NLRP13: variants seen among roughly 807,000 people sequenced by gnomAD.
NLRP13 encodes the protein NACHT, LRR and PYD domains-containing protein 13.
NLRP13 carries 82 observed loss-of-function variants against 94.4 expected under a neutral mutation model. The ratio of observed to expected loss-of-function variants is 0.87; its 90% CI spans 0.73 to 1.04. The LOEUF is 1.04. Among genes scored for constraint, NLRP13 ranks in the 50% least tolerant of loss-of-function variants. NLRP13 has a pLI of 0.00. For synonymous variants in NLRP13, 553 were observed against 464.7 expected (o/e 1.19, Z -2.45); for missense variants, 1,426 against 1,230.8 (o/e 1.16, Z -2.37).
chr19:55,894,636 CAG>C (rs1985950526), downstream of NLRP13, among the ~76,000 whole-genome samples: 1 of 152,174 alleles, frequency 6.6e-6, no homozygotes, highest in South Asian at 2.1e-4. Context: ...TATCTCAACC[CAG>C]AGTTTCTTTC....
intron 4 of NLRP13, among the ~76,000 whole-genome samples, chr19:55,916,057 C>T (rs1047518586): frequency 3.3e-5 from 5 of 152,208 alleles, no homozygotes; most frequent in Non-Finnish European, 7.3e-5. Flanking sequence ...CAAGAGCCTA[C>T]TCACACACCT....
intron 9 of NLRP13, among the ~76,000 whole-genome samples, chr19:55,899,485 A>G (rs902714079): frequency 2.0e-4 from 30 of 150,998 alleles, no homozygotes; most frequent in Middle Eastern, 3.4e-3. Flanking sequence ...CACCCCCCCC[A>G]TCCCAAAAAG....
intron 8 of NLRP13, among the ~76,000 whole-genome samples, chr19:55,902,631 G>A (rs554505425): frequency 6.6e-6 from 1 of 152,076 alleles, no homozygotes; most frequent in East Asian, 1.9e-4. Flanking sequence ...AGCTGCCAGT[G>A]AGCCCACGAG....
intron 4 of NLRP13, among the ~76,000 whole-genome samples, chr19:55,917,662 A>G (rs1022883522): frequency 2.0e-5 from 3 of 152,092 alleles, no homozygotes; most frequent in African/African-American, 7.2e-5. Flanking sequence ...AACCAGCAAC[A>G]GTTTAAAAAA....
chr19:55,910,498 C>A, intron 6 of NLRP13, 65 bp downstream of exon 6: 1 of 1,432,366 alleles, frequency 7.0e-7, no homozygotes, highest in Non-Finnish European at 9.4e-7. Flanking sequence ...CCACACTCAT[C>A]AAAAGAGAGA....
At position 55,898,850 on chromosome 19, in the gene NLRP13, CA is replaced by C. The variant is rs745981483; in HGVS notation, c.2876del (p.Leu959TrpfsTer11). On this transcript the variant is annotated frameshift_variant, in exon 10 of 11. Transcript: ENST00000342929. LOFTEE classifies it high-confidence loss of function. ...CATCATCCTGAAGATCATTTTCTCCCAAATCCAAGATTTTCACATTATGATT... is the reference window on the plus strand; with the variant it reads ...CATCATCCTGAAGATCATTTTCTCCCAATCCAAGATTTTCACATTATGATT... Reference protein sequence around the residue: ...SHNHNVKILDLGENDLQDDGV... With the variant: ...SHNHNVKILDXGENDLQDDGV... The C allele has an allele frequency of 1.2e-6, 2 of 1,614,020 alleles. No homozygotes were observed. Among genetic ancestry groups the C allele is most frequent in the South Asian group, 2.2e-5 (2 of 91,056 alleles).
intron 2 of NLRP13, 108 bp downstream of exon 2, chr19:55,924,859 T>C (rs576604485): frequency 9.9e-7 from 1 of 1,009,706 alleles, no homozygotes; most frequent in Non-Finnish European, 1.5e-6. Context: ...TTTAATTTTT[T>C]ATGCACTATA....
intron 8 of NLRP13, among the ~76,000 whole-genome samples, chr19:55,903,746 G>A (rs889420266): frequency 5.3e-5 from 8 of 151,716 alleles, no homozygotes; most frequent in South Asian, 2.1e-4. Context: ...AAACCACCTC[G>A]AATCCATTGG....
At chr19:55,892,203 C>G (rs912573054), downstream of NLRP13, 1 of 1,059,686 alleles carries the variant, frequency 9.4e-7, no homozygotes, top group African/African-American at 1.7e-5. Context: ...CAGGGGAACA[C>G]GTACAGGTTT....
chr19:55,929,850 A>T (rs1281371681), intron 1 of NLRP13, among the ~76,000 whole-genome samples: 1 of 152,232 alleles, frequency 6.6e-6, no homozygotes, highest in Non-Finnish European at 1.5e-5. Context: ...TGCAATAGAG[A>T]AATCAATAAA....
In NLRP13 at chr19:55,907,839, CA is replaced by C. The variant is rs1986397096; in HGVS notation, c.2399del (p.Leu800ArgfsTer6). On this transcript the variant is annotated frameshift_variant, in exon 7 of 11. Coordinates refer to ENST00000342929, the MANE Select transcript of NLRP13 (RefSeq NM_176810.2). LOFTEE classifies it high-confidence loss of function. Reference protein sequence around the residue: ...SSNKLGMTVPLILKALRHSAC... With the variant: ...SSNKLGMTVPXILKALRHSAC... ...CTGAGTGTCTCAAAGCTTTAAGAAT[CA>C]GGGGGACAGTCATTCCCAGCTTGTT... 1.9e-6 allele frequency: 3 copies of C among 1,613,946 alleles called. No individual in the cohort carries two copies. The highest frequency in any genetic ancestry group is 2.5e-6 in the Non-Finnish European group (3 of 1,179,958).
chr19:55,910,305 A>G (rs1986467032), intron 6 of NLRP13, among the ~76,000 whole-genome samples: 1 of 152,230 alleles, frequency 6.6e-6, no homozygotes, highest in African/African-American at 2.4e-5. Flanking sequence ...ATCCAGCTCA[A>G]AACAGGACTG....
Position 55,898,759 on chromosome 19 carries a change from C to T in NLRP13, c.2957+11G>A, listed in dbSNP as rs1486141737. 1 of 1,593,982 alleles carries T rather than the reference C, an allele frequency of 6.3e-7. No homozygotes were observed. Among genetic ancestry groups the T allele is most frequent in the African/African-American group, 1.3e-5 (1 of 74,478 alleles). ...AAGGAAGACTCTGCAAGGAGAACAG[C>T]ATCAACTCACCCAAGTGTGTGCAAT... is the stretch of plus-strand genomic sequence containing the variant. On this transcript the variant is annotated intron_variant, in intron 10 of 10. Transcript: ENST00000342929.
At position 55,911,617 on chromosome 19, in the gene NLRP13, C is replaced by A. The variant is rs199476252; in HGVS notation, c.2111+89G>T. ...GGAAATAAGCACGAATACATAACGA[C>A]AACACATCCCTGGTTTTGCATGAAA... On this transcript the variant is annotated intron_variant, in intron 5 of 10. Transcript: ENST00000342929. 30 of 1,256,984 alleles carry A rather than the reference C, an allele frequency of 2.4e-5. No homozygotes were observed. The highest frequency in any genetic ancestry group is 3.2e-5 in the Non-Finnish European group (29 of 901,114). 77.9% of individuals were successfully genotyped at this position (1,256,984 alleles called of 1,614,324 possible). A position where few individuals can be genotyped will look rare whatever the true frequency, so the allele number is the denominator to read the frequency against.
chr19:55,892,125 C>A, downstream of NLRP13: 1 of 1,231,750 alleles, frequency 8.1e-7, no homozygotes, highest in Non-Finnish European at 1.0e-6. Flanking sequence ...TTGAAGCCTG[C>A]AAAATAAGAA....
chr19:55,901,407 GAAGGGAGAGT>G (rs780757691), intron 9 of NLRP13, among the ~76,000 whole-genome samples: 7 of 152,190 alleles, frequency 4.6e-5, no homozygotes, highest in African/African-American at 7.2e-5. Context: ...TTAAGGGAGA[GAAGGGAGAGT>G]AAGGGAGAGA....
intron 1 of NLRP13, among the ~76,000 whole-genome samples, chr19:55,928,571 T>C (rs904109118): frequency 2.0e-5 from 3 of 152,144 alleles, no homozygotes; most frequent in Admixed American, 6.5e-5. Flanking sequence ...CCAAAAACTT[T>C]TAAGTTTATA....
At chr19:55,918,954 A>C (rs183225480) in intron 4 of NLRP13, among the ~76,000 whole-genome samples, 7 of 152,106 alleles carry the variant, frequency 4.6e-5, no homozygotes, top group Non-Finnish European at 1.0e-4. Context: ...CCTGATGAAC[A>C]TAAGTGCAAA....
At chr19:55,906,943 G>A (rs1354347682) in intron 7 of NLRP13, among the ~76,000 whole-genome samples, 1 of 140,730 alleles carries the variant, frequency 7.1e-6, no homozygotes, top group African/African-American at 2.7e-5. Flanking sequence ...CTCTGCAGTT[G>A]AGTTCCTGGG....
Sources: allele counts gnomAD v4.1 joint callset (sites outside exome capture counted in the v4.1 genomes callset), GRCh38; gene constraint gnomAD v4.1.1; transcripts MANE v1.5; gene names NCBI Gene and HGNC (gene_info 2026-07-23, HGNC 2026-07-21).